The following PRDM5 variants were observed in gnomAD, a reference collection of about 807,000 sequenced individuals.
PRDM5 encodes PR domain zinc finger protein 5.
PRDM5 carries 56 observed loss-of-function variants against 81.2 expected under a neutral mutation model. The ratio of observed to expected loss-of-function variants is 0.69; its 90% CI spans 0.56 to 0.86. The LOEUF (loss-of-function observed/expected upper bound fraction) is 0.86. Ranked by LOEUF, PRDM5 falls within the 40% of genes least tolerant of loss-of-function variation. The pLI, the probability that PRDM5 is intolerant of heterozygous loss-of-function variation, is 0.00. For synonymous variants in PRDM5, 267 were observed against 256.4 expected (o/e 1.04, Z -0.39); for missense variants, 697 against 770.1 (o/e 0.91, Z 1.12).
At chr4:120,811,537 T>A (rs1477011266) in intron 7 of PRDM5, 88 bp from the exon 8 acceptor site, 3 of 778,836 alleles carry the variant, frequency 3.9e-6, no homozygotes, top group Non-Finnish European at 6.5e-6. Flanking sequence ...TGTAAGTTCA[T>A]CTTCATAATT....
chr4:120,712,223 T>C (rs1330093343), intron 14 of PRDM5, among the ~76,000 whole-genome samples: 4 of 151,996 alleles, frequency 2.6e-5, no homozygotes, highest in African/African-American at 9.7e-5. Context: ...GAGGCGGAGG[T>C]TGCAGTGAGC....
chr4:120,818,635 A>T, intron 4 of PRDM5, 108 bp from the exon 5 acceptor site: 4 of 931,564 alleles, frequency 4.3e-6, no homozygotes, highest in East Asian at 2.6e-5. Context: ...TAATGATACC[A>T]TATGAATAAA....
chr4:120,773,457 TAAGTA>T (rs1325258017), intron 13 of PRDM5, among the ~76,000 whole-genome samples: 5 of 152,310 alleles, frequency 3.3e-5, no homozygotes, highest in African/African-American at 4.8e-5. Flanking sequence ...GTTCTTCCTC[TAAGTA>T]AAGTAAACAT....
At chr4:120,786,082 C>A (rs1749727521) in intron 10 of PRDM5, among the ~76,000 whole-genome samples, 1 of 151,996 alleles carries the variant, frequency 6.6e-6, no homozygotes, top group African/African-American at 2.4e-5. Context: ...TTACATAAAA[C>A]AAATCATAAC....
chr4:120,710,242 C>A, intron 15 of PRDM5, 67 bp downstream of exon 15: 1 of 750,242 alleles, frequency 1.3e-6, no homozygotes, highest in Non-Finnish European at 2.0e-6. Context: ...CACACACATA[C>A]ACACACACAC....
At chr4:120,753,207 AACTGCTC>A (rs1210302231) in intron 14 of PRDM5, among the ~76,000 whole-genome samples, 1 of 152,148 alleles carries the variant, frequency 6.6e-6, no homozygotes, top group African/African-American at 2.4e-5. Context: ...CATCTGTGAC[AACTGCTC>A]ACATGTAAAA....
intron 2 of PRDM5, 48 bp downstream of exon 2, chr4:120,907,426 G>T (rs1272788478): frequency 2.1e-6 from 3 of 1,411,536 alleles, no homozygotes; most frequent in East Asian, 4.6e-5. Context: ...TGCATTAAAT[G>T]GTACAATACA....
At chr4:120,839,694 T>A (rs1300934750) in intron 3 of PRDM5, among the ~76,000 whole-genome samples, 1 of 152,092 alleles carries the variant, frequency 6.6e-6, no homozygotes, top group African/African-American at 2.4e-5. Flanking sequence ...AGCCTGAAGG[T>A]GGGGCCTCAC....
chr4:120,891,257 T>C (rs1764011614), intron 2 of PRDM5, among the ~76,000 whole-genome samples: 1 of 152,186 alleles, frequency 6.6e-6, no homozygotes, highest in African/African-American at 2.4e-5. Flanking sequence ...TGGTTCAATC[T>C]TGGAAGATTA....
At chr4:120,874,337 A>G (rs1257318207) in intron 2 of PRDM5, among the ~76,000 whole-genome samples, 1 of 152,230 alleles carries the variant, frequency 6.6e-6, no homozygotes, top group Non-Finnish European at 1.5e-5. Flanking sequence ...TTAATCACAC[A>G]TTAACAGAGC....
At chr4:120,725,847 C>T (rs761656550) in intron 14 of PRDM5, among the ~76,000 whole-genome samples, 4 of 152,104 alleles carry the variant, frequency 2.6e-5, no homozygotes, top group East Asian at 1.9e-4. Context: ...CACAGGGCAA[C>T]GTACTAGATA....
At chr4:120,832,806 TAAG>T (rs1756884021) in intron 3 of PRDM5, among the ~76,000 whole-genome samples, 1 of 152,128 alleles carries the variant, frequency 6.6e-6, no homozygotes, top group African/African-American at 2.4e-5. Flanking sequence ...AACAAATTCT[TAAG>T]AAGTCAAAAG....
chr4:120,746,894 G>T (rs1402722296), intron 14 of PRDM5, among the ~76,000 whole-genome samples: 3 of 150,248 alleles, frequency 2.0e-5, no homozygotes, highest in African/African-American at 7.5e-5. Context: ...CAGGGATCTA[G>T]AACTAGAAAT....
At chr4:120,774,934 ATGTATAT>A in intron 13 of PRDM5, among the ~76,000 whole-genome samples, 1 of 148,434 alleles carries the variant, frequency 6.7e-6, no homozygotes, top group African/African-American at 2.5e-5. Context: ...ATATATGTAT[ATGTATAT>A]ATGTGTGTGT....
rs72676379 is a variant in PRDM5, at chr4:120,710,164, T to C, written c.1728+145A>G. On this transcript the variant is annotated intron_variant, in intron 15 of 15. Transcript: ENST00000264808. ...GTATTATGCAAGAACAAGCTATAAA[T>C]AGCATAAGACATTAACAGGCATAGG... 3,096 of 710,828 alleles carry C rather than the reference T, an allele frequency of 4.4e-3. 30 individuals carry two copies. The highest frequency in any genetic ancestry group is 0.02 in the Middle Eastern group (52 of 2,662). 44.0% of individuals were successfully genotyped at this position (710,828 alleles called of 1,614,324 possible).
At chr4:120,688,198 T>C (rs920031878), downstream of PRDM5, among the ~76,000 whole-genome samples, 1 of 152,108 alleles carries the variant, frequency 6.6e-6, no homozygotes, top group Admixed American at 6.6e-5. Flanking sequence ...TGACACTTCA[T>C]AGTGGTTTTG....
intron 10 of PRDM5, among the ~76,000 whole-genome samples, chr4:120,792,809 G>A (rs1160212341): frequency 6.6e-6 from 1 of 152,176 alleles, no homozygotes; most frequent in Non-Finnish European, 1.5e-5. Context: ...ACCAGGCACA[G>A]AAAGACAAAT....
intron 8 of PRDM5, among the ~76,000 whole-genome samples, chr4:120,803,635 C>G (rs545802068): frequency 6.6e-6 from 1 of 152,142 alleles, no homozygotes; most frequent in African/African-American, 2.4e-5. Context: ...AAATAAAATA[C>G]TTTACAGACA....
intron 9 of PRDM5, 138 bp from the exon 10 acceptor site, chr4:120,798,562 C>T (rs572708385): frequency 4.3e-6 from 3 of 692,412 alleles, no homozygotes; most frequent in Non-Finnish European, 7.1e-6. Flanking sequence ...ATCTACCATC[C>T]ACATAATAGA....
Sources: gnomAD v4.1 joint callset for allele counts (sites outside exome capture counted in the v4.1 genomes callset) on GRCh38, gnomAD v4.1.1 for gene constraint, MANE v1.5 for transcripts, NCBI Gene and HGNC (gene_info 2026-07-23, HGNC 2026-07-21) for gene names.